The following ADGRL2 variants were observed in gnomAD, a reference collection of about 807,000 sequenced individuals.
The protein encoded by ADGRL2 is calcium-independent alpha-latrotoxin receptor 2.
Under a neutral mutation model 157.4 loss-of-function variants are expected in ADGRL2, and 44 were observed. The observed-to-expected ratio is 0.28, with a 90% confidence interval of 0.22 to 0.36. The LOEUF is 0.36. Ranked by LOEUF, ADGRL2 falls within the 10% of genes least tolerant of loss-of-function variation. The pLI is 1.00. For synonymous variants in ADGRL2, 585 were observed against 624.7 expected (o/e 0.94, Z 0.95); for missense variants, 1,510 against 1,768.9 (o/e 0.85, Z 2.63).
intron 1 of ADGRL2, among the ~76,000 whole-genome samples, chr1:81,314,473 T>C (rs1659972064): frequency 6.6e-6 from 1 of 152,042 alleles, no homozygotes; most frequent in African/African-American, 2.4e-5. Flanking sequence ...CCCTCAGTAA[T>C]ATCAGCTCAG....
chr1:81,767,637 C>G (rs971031356), intron 2 of ADGRL2, among the ~76,000 whole-genome samples: 1 of 151,852 alleles, frequency 6.6e-6, no homozygotes, highest in South Asian at 2.1e-4. Flanking sequence ...TTTGGGAGGT[C>G]GAGGCAGGAG....
At chr1:81,950,955 G>A in intron 7 of ADGRL2, 63 bp from the exon 8 acceptor site, 1 of 1,011,830 alleles carries the variant, frequency 9.9e-7, no homozygotes, top group African/African-American at 1.6e-5. Flanking sequence ...CATCATAGCT[G>A]ATTCCCGAAT....
At chr1:81,503,564 C>G in intron 2 of ADGRL2, 1 of 1,411,872 alleles carries the variant, frequency 7.1e-7, no homozygotes, top group Non-Finnish European at 9.7e-7. Context: ...CCCACGTCGA[C>G]GAGCACCATT....
chr1:81,476,498 C>A (rs1322499381), intron 2 of ADGRL2, among the ~76,000 whole-genome samples: 1 of 152,132 alleles, frequency 6.6e-6, no homozygotes, highest in Non-Finnish European at 1.5e-5. Context: ...AAAGTGAACA[C>A]CTCCTCCACC....
chr1:81,536,321 A>T lies in ADGRL2; in HGVS notation c.-247-44555A>T, dbSNP rs965938429. The stretch of plus-strand genomic sequence containing the variant: ...TACTGGTTTTTTTTAAGTTGACAAA[A>T]TGGAAAATTGAAGAGCCGTTGAAGA... On this transcript the variant is annotated intron_variant, in intron 2 of 24. Transcript: ENST00000370721. Among the ~76,000 whole-genome samples, 4 of 152,174 alleles carry T rather than the reference A, an allele frequency of 2.6e-5. No individual in the cohort carries two copies. In the East Asian group the frequency reaches 7.7e-4, roughly 29 times the overall value.
intron 1 of ADGRL2, among the ~76,000 whole-genome samples, chr1:81,401,415 G>T (rs963488020): frequency 6.8e-5 from 5 of 73,168 alleles, no homozygotes; most frequent in African/African-American, 1.2e-4. Context: ...AGTTCCTCCT[G>T]GTTCCCAGCT....
chr1:81,966,359 C>T (rs1013428596), intron 12 of ADGRL2, 45 bp from the exon 13 acceptor site: 1 of 1,565,198 alleles, frequency 6.4e-7, no homozygotes, highest in South Asian at 1.1e-5. Context: ...AGTTTATTAA[C>T]AAGCATGTTT....
intron 3 of ADGRL2, among the ~76,000 whole-genome samples, chr1:81,605,916 G>C (rs1000877812): frequency 6.6e-6 from 1 of 152,138 alleles, no homozygotes; most frequent in African/African-American, 2.4e-5. Context: ...GGCTGAATTT[G>C]ATGACTAAAA....
intron 1 of ADGRL2, among the ~76,000 whole-genome samples, chr1:81,375,167 C>A (rs1462689452): frequency 1.3e-5 from 2 of 152,208 alleles, no homozygotes; most frequent in Admixed American, 6.5e-5. Context: ...TAGCTTAATA[C>A]CTGTCTTAAT....
At chr1:81,771,294 G>T (rs146829707) in intron 2 of ADGRL2, among the ~76,000 whole-genome samples, 2 of 149,360 alleles carry the variant, frequency 1.3e-5, no homozygotes, top group African/African-American at 5.0e-5. Flanking sequence ...TTGATTTAGA[G>T]GATAATATAA....
chr1:81,701,271 C>T (rs2083568121), intron 1 of ADGRL2, among the ~76,000 whole-genome samples: 1 of 152,168 alleles, frequency 6.6e-6, no homozygotes, highest in South Asian at 2.1e-4. Context: ...GATTTATAAC[C>T]ATTGATGCCA....
intron 3 of ADGRL2, among the ~76,000 whole-genome samples, chr1:81,595,059 A>T (rs2081205360): frequency 6.6e-6 from 1 of 152,080 alleles, no homozygotes; most frequent in Admixed American, 6.6e-5. Flanking sequence ...GCCTTCAGGG[A>T]ACTCCTAGTC....
chr1:81,662,872 C>G (rs766203201), intron 3 of ADGRL2, among the ~76,000 whole-genome samples: 1 of 152,084 alleles, frequency 6.6e-6, no homozygotes, highest in Non-Finnish European at 1.5e-5. Flanking sequence ...TTCTTTTTAA[C>G]TACTTTTTTT....
rs768787681 is a variant in ADGRL2, at chr1:81,507,556, C to T, written c.-248+62467C>T. 2.1e-4 allele frequency among the ~76,000 whole-genome samples: 32 copies of T among 152,146 alleles called. No individual in the cohort carries two copies. In the East Asian group the frequency reaches 3.5e-3, roughly 17 times the overall value. On this transcript the variant is annotated intron_variant, in intron 2 of 24. Coordinates refer to the ADGRL2 transcript ENST00000370721. ...TCCTCCATTTCACATTATATGGTGG[C>T]CATTTATCTCACTCCTCGAGAGGGA...
intron 2 of ADGRL2, among the ~76,000 whole-genome samples, chr1:81,483,357 G>C (rs751907547): frequency 3.3e-5 from 5 of 152,156 alleles, no homozygotes; most frequent in Non-Finnish European, 7.4e-5. Flanking sequence ...AAGCAATCAA[G>C]ATGAATGCTC....
chr1:81,542,305 G>A (rs1002360497), intron 2 of ADGRL2, among the ~76,000 whole-genome samples: 11 of 152,154 alleles, frequency 7.2e-5, no homozygotes, highest in African/African-American at 2.4e-4. Flanking sequence ...CCTAACACTC[G>A]TGGCCATTAC....
chr1:81,594,280 C>T (rs1025635978), intron 3 of ADGRL2, among the ~76,000 whole-genome samples: 16 of 152,148 alleles, frequency 1.1e-4, no homozygotes, highest in African/African-American at 2.6e-4. Flanking sequence ...AATTATTTGA[C>T]GAGTGAAACA....
chr1:81,894,790 T>C (rs943843630), intron 2 of ADGRL2, among the ~76,000 whole-genome samples: 8 of 152,150 alleles, frequency 5.3e-5, no homozygotes, highest in Admixed American at 4.6e-4. Context: ...ATGTCTATTA[T>C]TACCAATAGA....
chr1:81,338,512 G>C (rs942389085), intron 1 of ADGRL2, among the ~76,000 whole-genome samples: 21 of 152,186 alleles, frequency 1.4e-4, no homozygotes, highest in African/African-American at 4.8e-4. Context: ...GTCTAACTTT[G>C]AGATCACAGT....
Sources: gnomAD v4.1 joint callset for allele counts (sites outside exome capture counted in the v4.1 genomes callset) on GRCh38, gnomAD v4.1.1 for gene constraint, MANE v1.5 for transcripts, NCBI Gene and HGNC (gene_info 2026-07-23, HGNC 2026-07-21) for gene names.